The following FRMD4A variants were observed in gnomAD, a reference collection of about 807,000 sequenced individuals.
FRMD4A encodes FERM domain containing 4A, also known as FERM domain-containing protein 4A.
In FRMD4A, 29 loss-of-function variants were observed where a neutral mutation model predicts 129.1. The ratio of observed to expected loss-of-function variants is 0.22; its 90% CI spans 0.17 to 0.31. FRMD4A has a LOEUF of 0.31. Among genes scored for constraint, FRMD4A ranks in the 10% least tolerant of loss-of-function variants. The probability of loss-of-function intolerance (pLI) is 1.00; values close to 1 mark genes in which losing one functional copy is unlikely to be tolerated. For missense variants in FRMD4A, 1,272 were observed against 1,375.8 expected (o/e 0.92, Z 1.19); for synonymous variants, 634 against 571.6 (o/e 1.11, Z -1.56).
intron 2 of FRMD4A, among the ~76,000 whole-genome samples, chr10:14,258,597 G>C (rs1167482330): frequency 6.6e-6 from 1 of 152,138 alleles, no homozygotes; most frequent in Non-Finnish European, 1.5e-5. Flanking sequence ...ATGCACCACA[G>C]GTGAAAATGT....
intron 3 of FRMD4A, among the ~76,000 whole-genome samples, chr10:13,835,020 G>A (rs1024996926): frequency 6.6e-6 from 1 of 152,202 alleles, no homozygotes; most frequent in Non-Finnish European, 1.5e-5. Flanking sequence ...AGACCCAAGA[G>A]TGAGGCTGCC....
intron 2 of FRMD4A, among the ~76,000 whole-genome samples, chr10:14,241,794 G>A (rs987817230): frequency 6.6e-6 from 1 of 150,726 alleles, no homozygotes; most frequent in Non-Finnish European, 1.5e-5. Flanking sequence ...AGAACAGAAG[G>A]GCTGTCTAGG....
chr10:14,089,633 A>AAC lies in FRMD4A; in HGVS notation c.46-230722_46-230721insGT, dbSNP rs1554754918. Among the ~76,000 whole-genome samples the AAC allele has an allele frequency of 1.2e-4, 17 of 143,110 alleles. 1 individual carries two copies. Among genetic ancestry groups the AAC allele is most frequent in the East Asian group, 5.1e-4 (2 of 3,892 alleles). 93.9% of individuals were successfully genotyped at this position (143,110 alleles called of 152,430 possible). A position where few individuals can be genotyped will look rare whatever the true frequency, so the allele number is the denominator to read the frequency against. Reference sequence around the variant, plus strand: ...CCTTTTCAAGCAAAAAAAAAAACAAAAAAAAACAAACAAAAAAAAAACAGA... The same window carrying AAC: ...CCTTTTCAAGCAAAAAAAAAAACAAAACAAAAAACAAACAAAAAAAAAACAGA... On this transcript the variant is annotated intron_variant, in intron 2 of 24. Transcript: ENST00000357447.
chr10:14,235,726 G>T (rs556352944), intron 2 of FRMD4A, among the ~76,000 whole-genome samples: 1 of 152,350 alleles, frequency 6.6e-6, no homozygotes, highest in African/African-American at 2.4e-5. Context: ...ACAAAAATCA[G>T]CATAGGATTC....
intron 2 of FRMD4A, among the ~76,000 whole-genome samples, chr10:14,226,611 C>G (rs1589195426): frequency 6.6e-6 from 1 of 152,158 alleles, no homozygotes; most frequent in East Asian, 1.9e-4. Flanking sequence ...TTTACATCTT[C>G]CCATGGTCCA....
At chr10:13,743,660 C>G (rs1445518286) in intron 9 of FRMD4A, among the ~76,000 whole-genome samples, 6 of 152,024 alleles carry the variant, frequency 3.9e-5, no homozygotes, top group African/African-American at 1.5e-4. Context: ...ATCTTTGCCG[C>G]CCCCTGTTTG....
intron 2 of FRMD4A, among the ~76,000 whole-genome samples, chr10:13,965,242 C>T (rs758541121): frequency 5.7e-4 from 87 of 152,116 alleles, no homozygotes; most frequent in Non-Finnish European, 1.0e-4. Context: ...TGCCGACTCG[C>T]CCACCTTGTT....
intron 12 of FRMD4A, among the ~76,000 whole-genome samples, chr10:13,725,298 G>A (rs1012228492): frequency 4.7e-4 from 71 of 152,326 alleles, no homozygotes; most frequent in African/African-American, 1.5e-3. Flanking sequence ...AGGGGCAGGC[G>A]TGCAGCACCC....
chr10:14,022,142 A>G (rs1190434312), intron 2 of FRMD4A, among the ~76,000 whole-genome samples: 1 of 152,242 alleles, frequency 6.6e-6, no homozygotes, highest in Non-Finnish European at 1.5e-5. Flanking sequence ...GAGGCAAGAC[A>G]GAGACACAGA....
chr10:14,167,700 G>A (rs1841261667), intron 2 of FRMD4A, among the ~76,000 whole-genome samples: 1 of 152,130 alleles, frequency 6.6e-6, no homozygotes, highest in Admixed American at 6.5e-5. Flanking sequence ...TGGACACCTA[G>A]CCCCATCCTG....
chr10:13,937,526 T>C (rs1047769810), intron 2 of FRMD4A, among the ~76,000 whole-genome samples: 5 of 152,194 alleles, frequency 3.3e-5, no homozygotes, highest in East Asian at 1.9e-4. Flanking sequence ...CTTTTAGGTT[T>C]AGACCCGCCT....
At chr10:13,724,221 T>A (rs530305229) in intron 12 of FRMD4A, among the ~76,000 whole-genome samples, 304 of 152,262 alleles carry the variant, frequency 2.0e-3, no homozygotes, top group African/African-American at 6.5e-3. Flanking sequence ...ACCCTGTCTC[T>A]ACTAAAAATA....
At chr10:13,683,356 G>C (rs780859595) in intron 15 of FRMD4A, among the ~76,000 whole-genome samples, 1 of 151,956 alleles carries the variant, frequency 6.6e-6, no homozygotes. Flanking sequence ...AGGCCCTGGC[G>C]GGAGGATTGC....
chr10:13,822,569 G>C (rs943275883), intron 3 of FRMD4A, among the ~76,000 whole-genome samples: 1 of 152,176 alleles, frequency 6.6e-6, no homozygotes, highest in African/African-American at 2.4e-5. Context: ...GTTCTACCAC[G>C]AGACAGGATG....
intron 2 of FRMD4A, among the ~76,000 whole-genome samples, chr10:14,185,469 A>T (rs192455582): frequency 6.6e-6 from 1 of 152,254 alleles, no homozygotes; most frequent in Non-Finnish European, 1.5e-5. Flanking sequence ...AGTACAAAAA[A>T]CATTACAACA....
At chr10:13,863,174 T>C (rs1002366669) in intron 2 of FRMD4A, among the ~76,000 whole-genome samples, 1 of 152,210 alleles carries the variant, frequency 6.6e-6, no homozygotes, top group Non-Finnish European at 1.5e-5. Flanking sequence ...AAGTGAAGTG[T>C]CTGCCCCAAT....
chr10:14,196,518 A>G (rs1251184682), intron 2 of FRMD4A, among the ~76,000 whole-genome samples: 3 of 152,264 alleles, frequency 2.0e-5, no homozygotes, highest in African/African-American at 4.8e-5. Context: ...GATTTTACAC[A>G]AGAAAAACAA....
intron 2 of FRMD4A, chr10:14,097,241 A>G (rs1270134560): frequency 6.6e-6 from 1 of 151,778 alleles, no homozygotes; most frequent in Non-Finnish European, 1.5e-5. Flanking sequence ...TCTATAGTAA[A>G]TTTTAGAAAT....
At chr10:13,864,061 T>C (rs1005937507) in intron 2 of FRMD4A, among the ~76,000 whole-genome samples, 41 of 152,092 alleles carry the variant, frequency 2.7e-4, no homozygotes, top group Non-Finnish European at 4.6e-4. Context: ...AGTGGCATGA[T>C]CTCGGCTCAC....
Sources: gnomAD v4.1 joint callset for allele counts (sites outside exome capture counted in the v4.1 genomes callset) on GRCh38, gnomAD v4.1.1 for gene constraint, MANE v1.5 for transcripts, NCBI Gene and HGNC (gene_info 2026-07-23, HGNC 2026-07-21) for gene names.